Variants in SIPA1 observed in about 807,000 individuals in gnomAD.
SIPA1 encodes signal-induced proliferation-associated 1, also known as signal-induced proliferation-associated protein 1.
Under a neutral mutation model 88.1 loss-of-function variants are expected in SIPA1, and 51 were observed. That is an observed-to-expected ratio of 0.58 (90% CI 0.46 to 0.73). The LOEUF is 0.73. Among genes scored for constraint, SIPA1 ranks in the 30% least tolerant of loss-of-function variants. The pLI, the probability that SIPA1 is intolerant of heterozygous loss-of-function variation, is 0.00. For missense variants in SIPA1, 1,348 were observed against 1,467.6 expected (o/e 0.92, Z 1.33); for synonymous variants, 681 against 664.8 (o/e 1.02, Z -0.37).
In SIPA1 at chr11:65,638,970, C is replaced by G. The variant is rs111717905; in HGVS notation, c.-92+788C>G. 2.9e-4 allele frequency among the ~76,000 whole-genome samples: 44 copies of G among 152,344 alleles called. 1 individual carries two copies. Among genetic ancestry groups the G allele is most frequent in the African/African-American group, 1.1e-3 (44 of 41,582 alleles). Reference sequence around the variant, plus strand: ...TCCTTCACACACTATAGCCCAGGCCCGAGCGCTGAATGTGCCCAGAGCTTG... The same window carrying G: ...TCCTTCACACACTATAGCCCAGGCCGGAGCGCTGAATGTGCCCAGAGCTTG... On this transcript the variant is annotated intron_variant, in intron 1 of 15. Transcript: ENST00000534313.
Position 65,642,158 on chromosome 11 carries a change from GC to G in SIPA1, c.680-90del, listed in dbSNP as rs1565179496. On this transcript the variant is annotated intron_variant, in intron 2 of 15. Transcript: ENST00000534313. This position sits in a 1 kb window ranked among gnomAD's most constrained non-coding sequence, Gnocchi z 6.5. ...GGTCAACATTTGGTGGTGAGATGAA[GC>G]CTAGGGCGGGGCTTAGTGATGCGCG... The G allele has an allele frequency of 1.7e-5, 25 of 1,494,970 alleles. No homozygotes were observed. In the Middle Eastern group the frequency reaches 1.4e-3, roughly 82 times the overall value. The allele number at this position is 1,494,970 out of a possible 1,614,324, so 92.6% of individuals were successfully genotyped here. A position where few individuals can be genotyped will look rare whatever the true frequency, so the allele number is the denominator to read the frequency against.
chr11:65,641,206 G>C lies in SIPA1; in HGVS notation c.285G>C (p.Leu95=), dbSNP rs775296037. The stretch of plus-strand genomic sequence containing the variant: ...GGCTCTTCACTGACCCGCTGGCACT[G>C]CTGGGGCTGCCAGCAGAGGAACCAG... ...STRLFTDPLA[L]LGLPAEEPEP... is the part of the protein sequence containing the mutation. The change falls in exon 2 of 16, where the codon CTG becomes CTC. Residue 95 remains leucine, a synonymous_variant. Coordinates refer to ENST00000534313, the MANE Select transcript of SIPA1 (RefSeq NM_006747.4). The C allele has an allele frequency of 2.5e-6, 4 of 1,612,176 alleles. No individual in the cohort carries two copies. Among genetic ancestry groups the C allele is most frequent in the Non-Finnish European group, 1.7e-6 (2 of 1,180,020 alleles).
chr11:65,645,174 G>T, intron 5 of SIPA1, 45 bp downstream of exon 5: 1 of 1,568,762 alleles, frequency 6.4e-7, no homozygotes, highest in South Asian at 1.2e-5. Flanking sequence ...CTGTGCTGAA[G>T]GGGTGAGCAC....
At chr11:65,648,621 G>A (rs971451264) in intron 9 of SIPA1, among the ~76,000 whole-genome samples, 1 of 151,988 alleles carries the variant, frequency 6.6e-6, no homozygotes, top group Admixed American at 6.6e-5. Context: ...CTCACCTGAG[G>A]TCAGGAGTTC....
Position 65,642,701 on chromosome 11 carries a change from C to A in SIPA1, c.984+62C>A. The A allele has an allele frequency of 7.1e-7, 1 of 1,414,374 alleles. No individual in the cohort carries two copies. The highest frequency in any genetic ancestry group is 9.3e-7 in the Non-Finnish European group (1 of 1,070,810). 87.6% of individuals were successfully genotyped at this position (1,414,374 alleles called of 1,614,324 possible). On this transcript the variant is annotated intron_variant, in intron 4 of 15. Coordinates refer to ENST00000534313, the MANE Select transcript of SIPA1 (RefSeq NM_006747.4). The surrounding 1 kb of genome is among the most constrained non-coding windows in gnomAD (Gnocchi z 6.5). ...TGGCCCCAGTCTGAACCCAGCCTGC[C>A]CAGCTCCCAAACCCCTAGCCTTGAC...
intron 9 of SIPA1, among the ~76,000 whole-genome samples, chr11:65,648,892 C>A (rs1856193083): frequency 6.6e-6 from 1 of 151,764 alleles, no homozygotes; most frequent in East Asian, 1.9e-4. Context: ...ACTGGCACAT[C>A]TGCTTTAGAA....
chr11:65,650,100 C>T (rs756122810), intron 13 of SIPA1, 38 bp from the exon 14 acceptor site: 2 of 1,613,578 alleles, frequency 1.2e-6, no homozygotes, highest in Non-Finnish European at 1.7e-6. Context: ...CTCTTGCCCC[C>T]TTTCTGACCT....
chr11:65,641,497 G>C lies in SIPA1; in HGVS notation c.576G>C (p.Ala192=). 6.2e-7 allele frequency: 1 copy of C among 1,612,202 alleles called. No individual in the cohort carries two copies. Among genetic ancestry groups the C allele is most frequent in the Non-Finnish European group, 8.5e-7 (1 of 1,180,004 alleles). ...SPPVPPALPN[A]AVSILEEPQN... ...CTGTGCCCCCTGCACTGCCCAACGC[G>C]GCCGTGTCCATCCTGGAGGAGCCAC... Residue 192 remains alanine (A), a synonymous_variant, in exon 2 of 16, where the codon GCG becomes GCC. Transcript: ENST00000534313.
rs557838445 is a variant in SIPA1 at position 65,641,310 on chromosome 11, C to G, written c.389C>G (p.Pro130Arg). The G allele has an allele frequency of 2.2e-4, 350 of 1,613,574 alleles. 3 individuals are homozygous for G. The South Asian group carries it at 3.7e-3, about 17-fold the overall frequency. Residue 130 changes from proline to arginine, a missense_variant, in exon 2 of 16, where the codon CCG (proline) becomes CGG (arginine). By Grantham distance (103) the Pro-to-Arg change is moderately radical. This residue lies in a region of SIPA1 where 641 missense variants were observed against 797.7 expected (regional missense o/e 0.80). Transcript: ENST00000534313. ...CAAAGCCTGCTCTTTGATTGGGCTC[C>G]GAGGTCTCAGGGGATGGGGAGCCAC... ...DVQSLLFDWA[P>R]RSQGMGSHSE... is the part of the protein sequence containing the mutation.
Position 65,642,611 on chromosome 11 carries a change from G to A in SIPA1, c.956G>A (p.Arg319Gln). The A allele has an allele frequency of 6.3e-7, 1 of 1,586,578 alleles. No homozygotes were observed. The highest frequency in any genetic ancestry group is 1.1e-5 in the South Asian group (1 of 89,572). ...RLGSASPKVP[R>Q]TLLTLDEQVL... ...GGCTCAGCTTCACCCAAGGTACCAC[G>A]GACGCTGCTCACACTGGATGAGCAA... The change falls in exon 4 of 16, where the codon CGG becomes CAG. Residue 319 changes from arginine to glutamine, a missense_variant. Transcript: ENST00000534313. The surrounding 1 kb of genome is among the most constrained non-coding windows in gnomAD (Gnocchi z 6.5).
Position 65,642,818 on chromosome 11 carries a change from G to C in SIPA1, c.984+179G>C, listed in dbSNP as rs974546049. The stretch of plus-strand genomic sequence containing the variant: ...TCTGGAGCCTTGCGTCTCAAAGTGA[G>C]CTCTGTAGACCAGCAGTATCCACAT... On this transcript the variant is annotated intron_variant, in intron 4 of 15. Coordinates refer to ENST00000534313, the MANE Select transcript of SIPA1 (RefSeq NM_006747.4). The surrounding 1 kb of genome is among the most constrained non-coding windows in gnomAD (Gnocchi z 6.5). Among the ~76,000 whole-genome samples, 4 of 152,198 alleles carry C rather than the reference G, an allele frequency of 2.6e-5. No individual in the cohort carries two copies. Among genetic ancestry groups the C allele is most frequent in the African/African-American group, 4.8e-5 (2 of 41,448 alleles).
chr11:65,643,217 G>C (rs1188954658), intron 4 of SIPA1, among the ~76,000 whole-genome samples: 1 of 152,200 alleles, frequency 6.6e-6, no homozygotes, highest in Admixed American at 6.5e-5. Flanking sequence ...CCTTGGCCCA[G>C]AGTCTGCATT....
At position 65,650,875 on chromosome 11, in the gene SIPA1, C is replaced by G; in HGVS notation, c.*160C>G. 1.3e-6 allele frequency: 1 copy of G among 775,316 alleles called. No homozygotes were observed. The highest frequency in any genetic ancestry group is 1.7e-5 in the African/African-American group (1 of 57,282). The allele number at this position is 775,316 out of a possible 1,614,324, so 48.0% of individuals were successfully genotyped here. A position where few individuals can be genotyped will look rare whatever the true frequency, so the allele number is the denominator to read the frequency against. Reference sequence around the variant, plus strand: ...CACCCCTTCCCTGTTTGTAAATATTCTGTGGAGAAAAGAGGACTTCAGGGA... The same window carrying G: ...CACCCCTTCCCTGTTTGTAAATATTGTGTGGAGAAAAGAGGACTTCAGGGA... On this transcript the variant is annotated 3_prime_UTR_variant, in exon 16 of 16. Coordinates refer to ENST00000534313, the MANE Select transcript of SIPA1 (RefSeq NM_006747.4).
intron 13 of SIPA1, 21 bp downstream of exon 13, chr11:65,650,072 CG>C (rs766349209): frequency 2.1e-5 from 34 of 1,612,452 alleles, no homozygotes; most frequent in Non-Finnish European, 2.9e-5. Context: ...CAGGGTGCTG[CG>C]GTAAGCCTGG....
At chr11:65,641,634 G>A in intron 2 of SIPA1, 34 bp downstream of exon 2, 1 of 1,561,436 alleles carries the variant, frequency 6.4e-7, no homozygotes. Flanking sequence ...GTGGAGGAGG[G>A]GGGCTGAAGA....
At chr11:65,647,789 C>A (rs1197727656) in intron 9 of SIPA1, 131 bp downstream of exon 9, 1 of 660,728 alleles carries the variant, frequency 1.5e-6, no homozygotes, top group Non-Finnish European at 2.1e-6. Context: ...AAGAATCTCC[C>A]GTCTCTTAGC....
chr11:65,650,533 C>T, intron 15 of SIPA1, 36 bp from the exon 16 acceptor site: 1 of 1,611,638 alleles, frequency 6.2e-7, no homozygotes, highest in Non-Finnish European at 8.5e-7. Flanking sequence ...AGGAAAGGGG[C>T]TGGCGGCTCT....
Position 65,642,271 on chromosome 11 carries a change from T to G in SIPA1, c.701T>G (p.Met234Arg). Residue 234 changes from methionine (M) to arginine (R), a missense_variant, in exon 3 of 16, where the codon ATG (methionine) becomes AGG (arginine). Met to Arg is a moderately conservative substitution (Grantham distance 91, BLOSUM62 -1). Around this residue, in one of 4 missense-constraint regions of SIPA1, gnomAD observed 641 missense variants for 797.7 expected, o/e 0.80. Transcript: ENST00000534313. This position sits in a 1 kb window ranked among gnomAD's most constrained non-coding sequence, Gnocchi z 6.5. ...YGKEHQNFFG[M>R]DESLGPVAVS... ...CCAGAACATCAGAACTTCTTCGGGA[T>G]GGACGAGTCGCTGGGCCCGGTGGCA... 6.4e-7 allele frequency: 1 copy of G among 1,555,250 alleles called. No individual in the cohort carries two copies. The highest frequency in any genetic ancestry group is 8.7e-7 in the Non-Finnish European group (1 of 1,150,572).
At position 65,650,738 on chromosome 11, in the gene SIPA1, CCT is replaced by C. The variant is rs774587201; in HGVS notation, c.*24_*25del. 16 of 1,540,136 alleles carry C rather than the reference CCT, an allele frequency of 1.0e-5. No individual in the cohort carries two copies. The highest frequency in any genetic ancestry group is 2.0e-5 in the Admixed American group (1 of 51,260). On this transcript the variant is annotated 3_prime_UTR_variant, in exon 16 of 16. Coordinates refer to ENST00000534313, the MANE Select transcript of SIPA1 (RefSeq NM_006747.4). Reference sequence around the variant, plus strand: ...TGAGCCGTCTGGAACCACCTGGGCCCCTGAGGGCACTGTGGTCACACTGGGCC... The same window carrying C: ...TGAGCCGTCTGGAACCACCTGGGCCCGAGGGCACTGTGGTCACACTGGGCC...
Sources: gnomAD v4.1 joint callset for allele counts (sites outside exome capture counted in the v4.1 genomes callset) on GRCh38, gnomAD v4.1.1 for gene constraint, gnomAD v4.1.1 regional missense constraint, Gnocchi (gnomAD v3.1) non-coding constraint, MANE v1.5 for transcripts, NCBI Gene and HGNC (gene_info 2026-07-23, HGNC 2026-07-21) for gene names.